The following MAGI3 variants were observed in gnomAD, a reference collection of about 807,000 sequenced individuals.
The protein encoded by MAGI3 is membrane associated guanylate kinase, WW and PDZ domain containing 3.
Under a neutral mutation model 121.8 loss-of-function variants are expected in MAGI3, and 43 were observed. The ratio of observed to expected loss-of-function variants is 0.35; its 90% CI spans 0.28 to 0.46. The LOEUF is 0.46. Ranked by LOEUF, MAGI3 falls within the 20% of genes least tolerant of loss-of-function variation. The pLI is 1.00. For synonymous variants in MAGI3, 553 were observed against 639.3 expected (o/e 0.86, Z 2.04); for missense variants, 1,547 against 1,797.3 (o/e 0.86, Z 2.52).
chr1:113,448,944 C>T (rs866528314), intron 1 of MAGI3, among the ~76,000 whole-genome samples: 2 of 151,870 alleles, frequency 1.3e-5, no homozygotes, highest in Non-Finnish European at 2.9e-5. Flanking sequence ...CATAGAGAAA[C>T]CCCATCTCTA....
intron 1 of MAGI3, among the ~76,000 whole-genome samples, chr1:113,510,333 T>G: frequency 6.7e-6 from 1 of 148,204 alleles, no homozygotes; most frequent in East Asian, 2.0e-4. Context: ...AAGTGTAAAA[T>G]ACATTTAATC....
At position 113,486,881 on chromosome 1, in the gene MAGI3, T is replaced by C. The variant is rs184900404; in HGVS notation, c.317-62634T>C. Among the ~76,000 whole-genome samples the C allele has an allele frequency of 2.1e-3, 314 of 152,208 alleles. 4 individuals are homozygous for C. The highest frequency in any genetic ancestry group is 7.3e-3 in the African/African-American group (305 of 41,522). ...GTGCCACCACATGGCTAATTTTTAA[T>C]TTTTTTGTGTGTGGCAACAGGGTCT... On this transcript the variant is annotated intron_variant, in intron 1 of 20. Coordinates refer to ENST00000307546, the MANE Select transcript of MAGI3 (RefSeq NM_001142782.2).
At chr1:113,522,824 A>G (rs1174832006) in intron 1 of MAGI3, among the ~76,000 whole-genome samples, 2 of 152,350 alleles carry the variant, frequency 1.3e-5, no homozygotes, top group South Asian at 2.1e-4. Flanking sequence ...TAAACTGCAT[A>G]TATTATGATA....
intron 3 of MAGI3, 109 bp downstream of exon 3, chr1:113,580,770 CCT>C (rs1432097063): frequency 1.8e-6 from 2 of 1,103,804 alleles, no homozygotes; most frequent in African/African-American, 3.3e-5. Context: ...AACTTTTTTT[CCT>C]CTCTGTTTTT....
chr1:113,444,899 A>G (rs1405834983), intron 1 of MAGI3, among the ~76,000 whole-genome samples: 2 of 152,206 alleles, frequency 1.3e-5, no homozygotes, highest in Admixed American at 6.5e-5. Flanking sequence ...CTCAATAAAC[A>G]GAAAACCTAA....
chr1:113,473,685 G>T (rs1003801277), intron 1 of MAGI3, among the ~76,000 whole-genome samples: 10 of 152,128 alleles, frequency 6.6e-5, no homozygotes, highest in African/African-American at 2.2e-4. Flanking sequence ...ATTTGGGTTG[G>T]TTCCAAGTCT....
intron 20 of MAGI3, chr1:113,682,135 A>G: frequency 6.7e-7 from 1 of 1,483,652 alleles, no homozygotes; most frequent in Non-Finnish European, 9.1e-7. Context: ...ATATGTTCCC[A>G]GTGACATCTT....
intron 1 of MAGI3, among the ~76,000 whole-genome samples, chr1:113,464,467 G>A (rs971619340): frequency 5.3e-5 from 8 of 151,954 alleles, no homozygotes; most frequent in Admixed American, 1.3e-4. Flanking sequence ...ATGAGAGTGC[G>A]GATATATCTT....
chr1:113,646,604 A>G lies in MAGI3; in HGVS notation c.2117A>G (p.Glu706Gly). ...GGATCCCCAAAATTGGATCCTTCTG[A>G]GGTCTACCTGAAATCTAAGACTTTA... ...RSGSPKLDPS[E>G]VYLKSKTLYE... The change falls in exon 12 of 21, where the codon GAG becomes GGG. Residue 706 changes from glutamate to glycine, a missense_variant. Glu to Gly is a moderately conservative substitution (Grantham distance 98, BLOSUM62 -2). Transcript: ENST00000307546. The G allele has an allele frequency of 6.2e-7, 1 of 1,610,916 alleles. No homozygotes were observed. The highest frequency in any genetic ancestry group is 8.5e-7 in the Non-Finnish European group (1 of 1,178,508).
chr1:113,578,485 CCACTGCAT>C (rs1216779933), intron 2 of MAGI3, among the ~76,000 whole-genome samples: 2 of 151,952 alleles, frequency 1.3e-5, no homozygotes, highest in Non-Finnish European at 2.9e-5. Flanking sequence ...CAATGATAAC[CCACTGCAT>C]CACTGCATCC....
rs182778385 is a variant in MAGI3, at chr1:113,532,544, C to G, written c.317-16971C>G. Among the ~76,000 whole-genome samples the G allele has an allele frequency of 1.1e-4, 16 of 152,138 alleles. No individual in the cohort carries two copies. The East Asian group carries it at 1.3e-3, about 13-fold the overall frequency. On this transcript the variant is annotated intron_variant, in intron 1 of 20. Transcript: ENST00000307546. ...TGTCAGTTGTCTTATTTTTTAATGT[C>G]TCTTCTAAATTGTCACATCTGTTTC...
chr1:113,437,959 T>C (rs1346596415), intron 1 of MAGI3, among the ~76,000 whole-genome samples: 2 of 146,456 alleles, frequency 1.4e-5, no homozygotes, highest in Non-Finnish European at 1.5e-5. Context: ...CCTTCTTCTT[T>C]TCTTTTTTGA....
intron 8 of MAGI3, 42 bp downstream of exon 8, chr1:113,619,872 G>A (rs990131698): frequency 3.5e-6 from 5 of 1,413,120 alleles, no homozygotes; most frequent in Non-Finnish European, 5.0e-6. Flanking sequence ...AATAACTTGT[G>A]AAATTTGTAT....
At chr1:113,581,943 G>C (rs1648066163) in intron 3 of MAGI3, among the ~76,000 whole-genome samples, 1 of 151,136 alleles carries the variant, frequency 6.6e-6, no homozygotes, top group South Asian at 2.1e-4. Context: ...TTTTTTGTTT[G>C]TTTTTGTTTT....
chr1:113,468,975 A>G (rs973819736), intron 1 of MAGI3, among the ~76,000 whole-genome samples: 2 of 152,166 alleles, frequency 1.3e-5, no homozygotes, highest in Admixed American at 6.6e-5. Context: ...CATAGTCTCT[A>G]GAAATTGTGA....
chr1:113,571,420 T>G (rs1285213307), intron 2 of MAGI3, among the ~76,000 whole-genome samples: 1 of 152,254 alleles, frequency 6.6e-6, no homozygotes, highest in Non-Finnish European at 1.5e-5. Flanking sequence ...TTTTTCTAGT[T>G]ATGTGAAGAA....
chr1:113,660,560 G>T (rs1302754629), intron 16 of MAGI3, among the ~76,000 whole-genome samples: 1 of 150,818 alleles, frequency 6.6e-6, no homozygotes, highest in Non-Finnish European at 1.5e-5. Context: ...TATTTAAATG[G>T]TCTGCTCTTT....
chr1:113,521,641 C>T (rs942346928), intron 1 of MAGI3, among the ~76,000 whole-genome samples: 6 of 151,032 alleles, frequency 4.0e-5, no homozygotes, highest in African/African-American at 7.3e-5. Flanking sequence ...CTCCTGACCT[C>T]GTGATCCACC....
chr1:113,506,415 C>CT (rs1230551360), intron 1 of MAGI3, among the ~76,000 whole-genome samples: 9,870 of 142,830 alleles, frequency 0.069, 346 homozygotes, highest in Non-Finnish European at 0.081. Flanking sequence ...CCTCATATCC[C>CT]TTTTTTTTTT....
Sources: allele counts gnomAD v4.1 joint callset (sites outside exome capture counted in the v4.1 genomes callset), GRCh38; gene constraint gnomAD v4.1.1; transcripts MANE v1.5; gene names NCBI Gene and HGNC (gene_info 2026-07-23, HGNC 2026-07-21).